TRIM2: variants seen among roughly 807,000 people sequenced by gnomAD.
The protein encoded by TRIM2 is tripartite motif containing 2, also known as tripartite motif-containing protein 2.
TRIM2 carries 20 observed loss-of-function variants against 75.2 expected under a neutral mutation model. That is an observed-to-expected ratio of 0.27 (90% CI 0.19 to 0.39). TRIM2 has a LOEUF of 0.39. TRIM2 is among the 10% of genes least tolerant of loss of function. TRIM2 has a pLI of 1.00. For missense variants in TRIM2, 660 were observed against 990.8 expected (o/e 0.67, Z 4.48); for synonymous variants, 373 against 388.3 (o/e 0.96, Z 0.46).
rs913221395 is a variant in TRIM2, at chr4:153,337,049, A to T, written c.*2083A>T. The T allele has an allele frequency of 4.2e-5, 41 of 984,704 alleles. No homozygotes were observed. The African/African-American group carries it at 5.8e-4, about 14-fold the overall frequency. The allele number at this position is 984,704 out of a possible 1,614,324, so 61.0% of individuals were successfully genotyped here. A position where few individuals can be genotyped will look rare whatever the true frequency, so the allele number is the denominator to read the frequency against. ...ACAGTGATGGACAAAACAGGTAAAA[A>T]ATCGCTGCCCCCTCAGAGCTGACAT... is the stretch of plus-strand genomic sequence containing the variant. On this transcript the variant is annotated 3_prime_UTR_variant, in exon 12 of 12. Coordinates refer to ENST00000338700, the MANE Select transcript of TRIM2 (RefSeq NM_015271.5).
chr4:153,242,200 C>G (rs1002125861), intron 1 of TRIM2, among the ~76,000 whole-genome samples: 1 of 152,212 alleles, frequency 6.6e-6, no homozygotes, highest in Non-Finnish European at 1.5e-5. Context: ...AATGATGTAA[C>G]TCCGCTCTTA....
chr4:153,246,586 T>C (rs753249102), intron 1 of TRIM2, among the ~76,000 whole-genome samples: 4 of 152,258 alleles, frequency 2.6e-5, no homozygotes, highest in Non-Finnish European at 5.9e-5. Flanking sequence ...CTGTGGCTCC[T>C]AACACAGTGC....
chr4:153,241,226 A>T (rs1268108292), intron 1 of TRIM2, among the ~76,000 whole-genome samples: 2 of 152,296 alleles, frequency 1.3e-5, no homozygotes, highest in Admixed American at 6.5e-5. Flanking sequence ...AGTAGTTCTG[A>T]GGTGTCTCAC....
At chr4:153,321,953 T>C (rs1769090676) in intron 8 of TRIM2, among the ~76,000 whole-genome samples, 1 of 152,206 alleles carries the variant, frequency 6.6e-6, no homozygotes, top group African/African-American at 2.4e-5. Context: ...GAAATCCATC[T>C]GTGCTATTCC....
chr4:153,295,312 G>C lies in TRIM2; in HGVS notation c.787-1G>C, dbSNP rs1355233414. The C allele has an allele frequency of 6.3e-7, 1 of 1,586,314 alleles. No individual in the cohort carries two copies. Among genetic ancestry groups the C allele is most frequent in the South Asian group, 1.2e-5 (1 of 86,426 alleles). ...TCACCAGGCCTCCGGTTTTCCCGCA[G>C]GTCCTCCAGTCGCAGCTGGATACTC... On this transcript the variant is annotated splice_acceptor_variant, in intron 5 of 11. Transcript: ENST00000338700. LOFTEE classifies it high-confidence loss of function. This position sits in a 1 kb window ranked among gnomAD's most constrained non-coding sequence, Gnocchi z 7.2.
Position 153,336,984 on chromosome 4 carries a change from T to C in TRIM2, c.*2018T>C. On this transcript the variant is annotated 3_prime_UTR_variant, in exon 12 of 12. Transcript: ENST00000338700. ...AATTTAAACATTCATATTTACTGAG[T>C]ACCTACTAGGTACCAAGTACTCTTT... is the stretch of plus-strand genomic sequence containing the variant. 2.0e-6 allele frequency: 2 copies of C among 982,350 alleles called. No homozygotes were observed. The highest frequency in any genetic ancestry group is 3.5e-5 in the African/African-American group (2 of 57,278). The allele number at this position is 982,350 out of a possible 1,614,324, so 60.9% of individuals were successfully genotyped here. A position where few individuals can be genotyped will look rare whatever the true frequency, so the allele number is the denominator to read the frequency against.
rs548500743 is a variant in TRIM2 at position 153,184,845 on chromosome 4, T to G, written c.-49+31575T>G. Among the ~76,000 whole-genome samples, 4 of 152,326 alleles carry G rather than the reference T, an allele frequency of 2.6e-5. No individual in the cohort carries two copies. The South Asian group carries it at 8.3e-4, about 32-fold the overall frequency. ...GGAAAGCACATGTTCTGCTGCCACC[T>G]TCATGCCTGGTGACACATTTCCATC... On this transcript the variant is annotated intron_variant, in intron 1 of 11. Transcript: ENST00000437508.
At chr4:153,239,828 C>CT (rs1171841223) in intron 1 of TRIM2, among the ~76,000 whole-genome samples, 3 of 120,976 alleles carry the variant, frequency 2.5e-5, no homozygotes, top group Middle Eastern at 3.6e-3. Flanking sequence ...TCCTAACTTT[C>CT]TTTCTCTTTT....
intron 1 of TRIM2, among the ~76,000 whole-genome samples, chr4:153,264,309 C>T (rs1754354285): frequency 6.6e-6 from 1 of 152,156 alleles, no homozygotes; most frequent in Non-Finnish European, 1.5e-5. Flanking sequence ...GCTACCATTT[C>T]CTTTCTACTG....
chr4:153,244,319 C>CTCTTCCTCT lies in TRIM2; in HGVS notation c.31-26011_31-26010insCTCTTCTTC, dbSNP rs1747941849. 3.8e-4 allele frequency among the ~76,000 whole-genome samples: 8 copies of CTCTTCCTCT among 21,136 alleles called. 2 individuals carry two copies. The highest frequency in any genetic ancestry group is 6.3e-4 in the Non-Finnish European group (8 of 12,782). The allele number at this position is 21,136 out of a possible 152,430, so 13.9% of individuals were successfully genotyped here. On this transcript the variant is annotated intron_variant, in intron 1 of 11. Transcript: ENST00000338700. The stretch of plus-strand genomic sequence containing the variant: ...CCTCCTCCTCCTCCTCCTCCTCCTC[C>CTCTTCCTCT]TCTTCTTCTTCTTCTTCTTCTTCTT...
chr4:153,204,458 A>G lies in TRIM2; in HGVS notation c.-73A>G. ...CCTTTAACTCGGCAGCTTGATGACT[A>G]TAATGGGCCCAGTTGTCTGCGGGCT... On this transcript the variant is annotated 5_prime_UTR_variant, in exon 1 of 12. Transcript: ENST00000338700. 1 of 1,528,492 alleles carries G rather than the reference A, an allele frequency of 6.5e-7. No homozygotes were observed. Among genetic ancestry groups the G allele is most frequent in the South Asian group, 1.2e-5 (1 of 83,542 alleles). 94.7% of individuals were successfully genotyped at this position (1,528,492 alleles called of 1,614,324 possible).
chr4:153,232,620 A>G (rs5020576), intron 1 of TRIM2, among the ~76,000 whole-genome samples: 44,959 of 151,840 alleles, frequency 0.3, 11,047 homozygotes, highest in African/African-American at 0.68. Context: ...ATATGCTGGA[A>G]GGAAGGGAGG....
chr4:153,230,465 G>C (rs1030043306), intron 1 of TRIM2, among the ~76,000 whole-genome samples: 3 of 152,178 alleles, frequency 2.0e-5, no homozygotes, highest in African/African-American at 2.4e-5. Flanking sequence ...TTACAGGCAT[G>C]AGCCACTGCA....
At chr4:153,249,525 C>G (rs1750277260) in intron 1 of TRIM2, among the ~76,000 whole-genome samples, 1 of 152,262 alleles carries the variant, frequency 6.6e-6, no homozygotes, top group Non-Finnish European at 1.5e-5. Flanking sequence ...AATCCACTAT[C>G]TGGGACCGAG....
intron 8 of TRIM2, 63 bp from the exon 9 acceptor site, chr4:153,322,585 T>C (rs113577357): frequency 1.3e-6 from 2 of 1,553,092 alleles, no homozygotes; most frequent in Non-Finnish European, 1.8e-6. Flanking sequence ...TATCTTCATG[T>C]TCTGTAGTGG....
chr4:153,183,445 G>A (rs1030337598), intron 1 of TRIM2, among the ~76,000 whole-genome samples: 1 of 152,228 alleles, frequency 6.6e-6, no homozygotes, highest in African/African-American at 2.4e-5. Flanking sequence ...GCGATGTGGA[G>A]CATGTCTGAG....
intron 3 of TRIM2, among the ~76,000 whole-genome samples, chr4:153,286,069 C>A (rs1008425766): frequency 4.6e-5 from 7 of 152,098 alleles, no homozygotes; most frequent in Admixed American, 2.6e-4. Context: ...AAATGCTTTT[C>A]CCACATTAAT....
At chr4:153,327,158 T>C (rs1057319470) in intron 10 of TRIM2, among the ~76,000 whole-genome samples, 2 of 152,138 alleles carry the variant, frequency 1.3e-5, no homozygotes, top group South Asian at 2.1e-4. Context: ...AATTTAAATA[T>C]GGCATCTTAG....
chr4:153,203,447 A>G (rs1217856109), upstream of TRIM2, among the ~76,000 whole-genome samples: 1 of 151,858 alleles, frequency 6.6e-6, no homozygotes, highest in African/African-American at 2.4e-5. Context: ...AAGAACATAA[A>G]CACATCAAAT....
Sources: gnomAD v4.1 joint callset for allele counts (sites outside exome capture counted in the v4.1 genomes callset) on GRCh38, gnomAD v4.1.1 for gene constraint, Gnocchi (gnomAD v3.1) non-coding constraint, MANE v1.5 for transcripts, NCBI Gene and HGNC (gene_info 2026-07-23, HGNC 2026-07-21) for gene names.